COP1: variants seen among roughly 807,000 people sequenced by gnomAD.
COP1 encodes E3 ubiquitin-protein ligase COP1.
A neutral mutation model predicts 101.3 loss-of-function variants in COP1; 24 were observed. The ratio of observed to expected loss-of-function variants is 0.24; its 90% CI spans 0.17 to 0.33. The LOEUF is 0.33. Ranked by LOEUF, COP1 falls within the 10% of genes least tolerant of loss-of-function variation. The pLI, the probability that COP1 is intolerant of heterozygous loss-of-function variation, is 1.00. For missense variants in COP1, 663 were observed against 906.2 expected, an observed-to-expected ratio of 0.73 and a Z score of 3.45; for synonymous variants, 347 against 341.9, an observed-to-expected ratio of 1.01 and a Z score of -0.17.
At chr1:176,152,194 A>T (rs1037014361) in intron 5 of COP1, among the ~76,000 whole-genome samples, 3 of 152,040 alleles carry the variant, frequency 2.0e-5, no homozygotes, top group African/African-American at 4.8e-5. Context: ...GGGAAGCTCA[A>T]GGCTGCAGTG....
At chr1:176,096,106 T>C (rs1418781671) in intron 9 of COP1, among the ~76,000 whole-genome samples, 5 of 152,212 alleles carry the variant, frequency 3.3e-5, no homozygotes, top group Non-Finnish European at 5.9e-5. Flanking sequence ...AAGCCTAATC[T>C]TTCCTAGTTG....
chr1:176,004,232 C>T (rs1281160206), intron 15 of COP1, among the ~76,000 whole-genome samples: 2 of 148,604 alleles, frequency 1.3e-5, no homozygotes, highest in African/African-American at 4.9e-5. Context: ...AGTTGCTTAT[C>T]AGCTTAAGGA....
chr1:176,121,385 GAC>G (rs1197057555), intron 8 of COP1, among the ~76,000 whole-genome samples: 1 of 151,900 alleles, frequency 6.6e-6, no homozygotes, highest in Non-Finnish European at 1.5e-5. Context: ...TTTAACATTT[GAC>G]ACAAGTAGTC....
intron 10 of COP1, 72 bp from the exon 11 acceptor site, chr1:176,081,359 A>T: frequency 8.3e-7 from 1 of 1,209,182 alleles, no homozygotes. Flanking sequence ...AGCCACATCC[A>T]CAAATTAAAA....
Position 175,959,417 on chromosome 1 carries a change from T to C in COP1, c.2134-12178A>G, listed in dbSNP as rs180790005. Among the ~76,000 whole-genome samples the C allele has an allele frequency of 3.3e-5, 5 of 152,152 alleles. No homozygotes were observed. In the East Asian group the frequency reaches 9.6e-4, roughly 29 times the overall value. On this transcript the variant is annotated intron_variant, in intron 18 of 19. Transcript: ENST00000367669. The stretch of plus-strand genomic sequence containing the variant: ...AGTCAACGATGCCAGATACCATTAC[T>C]TTTATTTAACATTACATTAGATGTT...
intron 8 of COP1, among the ~76,000 whole-genome samples, chr1:176,120,715 A>G (rs1296875979): frequency 6.6e-6 from 1 of 152,208 alleles, no homozygotes; most frequent in Non-Finnish European, 1.5e-5. Flanking sequence ...TTTCCTAACT[A>G]GAAAGAAGAT....
chr1:176,153,275 G>T (rs899030095), intron 5 of COP1, among the ~76,000 whole-genome samples: 3 of 151,944 alleles, frequency 2.0e-5, no homozygotes, highest in South Asian at 2.1e-4. Flanking sequence ...TGTCCCTGGG[G>T]TATAAAATTC....
intron 9 of COP1, among the ~76,000 whole-genome samples, chr1:176,116,169 G>C (rs1686154666): frequency 6.6e-6 from 1 of 152,002 alleles, no homozygotes; most frequent in South Asian, 2.1e-4. Context: ...CTTGAGTCCA[G>C]GAGTTTGAGA....
chr1:176,000,518 T>G (rs1431350898), intron 15 of COP1, among the ~76,000 whole-genome samples: 1 of 152,056 alleles, frequency 6.6e-6, no homozygotes, highest in Non-Finnish European at 1.5e-5. Flanking sequence ...TATGACAACA[T>G]TAGAAGTTTA....
At chr1:175,994,614 A>G (rs1384875280) in intron 15 of COP1, among the ~76,000 whole-genome samples, 1 of 152,184 alleles carries the variant, frequency 6.6e-6, no homozygotes, top group East Asian at 1.9e-4. Context: ...GATAAAACAG[A>G]CTTTAAACCA....
intron 6 of COP1, among the ~76,000 whole-genome samples, chr1:176,144,726 A>G (rs151112372): frequency 0.018 from 2,716 of 152,252 alleles, 61 homozygotes; most frequent in Non-Finnish European, 0.026. Flanking sequence ...AGACCCACAC[A>G]TACATGGACA....
At chr1:176,107,185 G>T (rs1396498692) in intron 9 of COP1, among the ~76,000 whole-genome samples, 1 of 151,852 alleles carries the variant, frequency 6.6e-6, no homozygotes, top group African/African-American at 2.4e-5. Flanking sequence ...TATATATTAT[G>T]GATATAAATA....
At chr1:176,050,937 C>G (rs1380825055) in intron 11 of COP1, among the ~76,000 whole-genome samples, 1 of 152,058 alleles carries the variant, frequency 6.6e-6, no homozygotes, top group Non-Finnish European at 1.5e-5. Flanking sequence ...ATGAGCTGGT[C>G]TTCAATGAAC....
chr1:176,092,637 TA>T (rs1192712984), intron 9 of COP1, among the ~76,000 whole-genome samples: 2 of 152,118 alleles, frequency 1.3e-5, no homozygotes. Flanking sequence ...AAATAAAAAT[TA>T]AAGTCGCAAC....
intron 15 of COP1, among the ~76,000 whole-genome samples, chr1:176,003,038 T>G (rs1216364304): frequency 1.3e-5 from 2 of 151,142 alleles, no homozygotes; most frequent in African/African-American, 4.9e-5. Context: ...GAGTTTTTAA[T>G]GATTGCCATT....
At chr1:176,040,025 T>C (rs553224797) in intron 14 of COP1, among the ~76,000 whole-genome samples, 40 of 152,234 alleles carry the variant, frequency 2.6e-4, no homozygotes, top group African/African-American at 8.2e-4. Flanking sequence ...TTCATGACAC[T>C]GGATTTGGCA....
chr1:176,008,064 C>T (rs879499231), intron 15 of COP1, among the ~76,000 whole-genome samples: 8 of 152,154 alleles, frequency 5.3e-5, no homozygotes, highest in East Asian at 1.9e-4. Flanking sequence ...TTTTTTAAGC[C>T]GGTCGGAAAA....
chr1:176,039,746 A>G (rs1670192509), intron 14 of COP1, among the ~76,000 whole-genome samples: 1 of 152,208 alleles, frequency 6.6e-6, no homozygotes, highest in South Asian at 2.1e-4. Context: ...GAGAAAGACT[A>G]AAGATAAACT....
intron 2 of COP1, among the ~76,000 whole-genome samples, chr1:176,180,407 T>C (rs1192878496): frequency 6.6e-6 from 1 of 152,186 alleles, no homozygotes; most frequent in Non-Finnish European, 1.5e-5. Flanking sequence ...TACAAAGCTT[T>C]GGATACTAAG....
Sources: gnomAD v4.1 joint callset for allele counts (sites outside exome capture counted in the v4.1 genomes callset) on GRCh38, gnomAD v4.1.1 for gene constraint, MANE v1.5 for transcripts, NCBI Gene and HGNC (gene_info 2026-07-23, HGNC 2026-07-21) for gene names.